DPYSL2: variants seen among roughly 807,000 people sequenced by gnomAD.
The protein encoded by DPYSL2 is dihydropyrimidinase like 2, also known as dihydropyrimidinase-related protein 2.
In DPYSL2, 13 loss-of-function variants were observed where a neutral mutation model predicts 69.9. The observed-to-expected ratio is 0.19, with a 90% CI of 0.12 to 0.30. The LOEUF is 0.30. Ranked by LOEUF, DPYSL2 falls within the 10% of genes least tolerant of loss-of-function variation. The pLI, the probability that DPYSL2 is intolerant of heterozygous loss-of-function variation, is 1.00. For missense variants in DPYSL2, 587 were observed against 918.9 expected (o/e 0.64, Z 4.67); for synonymous variants, 326 against 359.1 (o/e 0.91, Z 1.04).
At chr8:26,646,789 G>A (rs1803173700) in intron 10 of DPYSL2, among the ~76,000 whole-genome samples, 1 of 151,854 alleles carries the variant, frequency 6.6e-6, no homozygotes, top group Non-Finnish European at 1.5e-5. Context: ...CCAGGACTTC[G>A]AGCCCAGCTG....
At chr8:26,576,062 A>G (rs1801322426) in intron 1 of DPYSL2, among the ~76,000 whole-genome samples, 2 of 152,174 alleles carry the variant, frequency 1.3e-5, no homozygotes, top group South Asian at 4.1e-4. Flanking sequence ...AGATTGCTGG[A>G]GGGGGAAGTG....
At chr8:26,645,425 T>C (rs1450440276) in intron 10 of DPYSL2, among the ~76,000 whole-genome samples, 1 of 151,988 alleles carries the variant, frequency 6.6e-6, no homozygotes, top group East Asian at 1.9e-4. Flanking sequence ...ATAATAATAT[T>C]GGCATCATAC....
In DPYSL2 at chr8:26,653,773, A is replaced by G. The variant is rs75668617; in HGVS notation, c.1942+376A>G. 0.088 allele frequency among the ~76,000 whole-genome samples: 13,412 copies of G among 152,078 alleles called. 1,863 individuals carry two copies. The highest frequency in any genetic ancestry group is 0.29 in the African/African-American group (12,160 of 41,442). On this transcript the variant is annotated intron_variant, in intron 13 of 13. Transcript: ENST00000521913. This position sits in a 1 kb window ranked among gnomAD's most constrained non-coding sequence, Gnocchi z 5.7. ...GAGTATCACCATGTTGGCCAGGCTGATAGAACTCCTGACTTCAGGTGATCT... is the reference window on the plus strand; with the variant it reads ...GAGTATCACCATGTTGGCCAGGCTGGTAGAACTCCTGACTTCAGGTGATCT...
At chr8:26,549,717 C>A (rs1184080054) in intron 1 of DPYSL2, among the ~76,000 whole-genome samples, 1 of 152,172 alleles carries the variant, frequency 6.6e-6, no homozygotes, top group East Asian at 1.9e-4. Context: ...TAGTGTTATA[C>A]CGGATTTCTC....
intron 1 of DPYSL2, among the ~76,000 whole-genome samples, chr8:26,558,076 C>A (rs1004298302): frequency 1.3e-5 from 2 of 152,034 alleles, no homozygotes; most frequent in Non-Finnish European, 2.9e-5. Context: ...TATGATCCTG[C>A]AATCATACTC....
intron 10 of DPYSL2, among the ~76,000 whole-genome samples, chr8:26,645,994 T>G (rs1253253921): frequency 6.6e-6 from 1 of 152,112 alleles, no homozygotes; most frequent in East Asian, 1.9e-4. Context: ...GCCTCCTGAG[T>G]AGCTGGGATT....
Position 26,588,553 on chromosome 8 carries a change from C to G in DPYSL2, c.628+4570C>G, listed in dbSNP as rs138158225. On this transcript the variant is annotated intron_variant, in intron 3 of 13. Coordinates refer to ENST00000521913, the MANE Select transcript of DPYSL2 (RefSeq NM_001197293.3). This position sits in a 1 kb window ranked among gnomAD's most constrained non-coding sequence, Gnocchi z 5.4. ...GCTCTCTCTAGAGGAGGTGCACCCT[C>G]AGGCACAACATACCCAGCAGGCTTC... Among the ~76,000 whole-genome samples the G allele has an allele frequency of 0.018, 2,787 of 152,260 alleles. 86 individuals carry two copies. The highest frequency in any genetic ancestry group is 0.064 in the African/African-American group (2,673 of 41,534).
At chr8:26,545,766 C>CAA (rs71216758) in intron 1 of DPYSL2, among the ~76,000 whole-genome samples, 68 of 144,000 alleles carry the variant, frequency 4.7e-4, no homozygotes, top group Admixed American at 1.4e-3. Flanking sequence ...GACTCCATCT[C>CAA]AAAAAAAAAA....
intron 7 of DPYSL2, among the ~76,000 whole-genome samples, chr8:26,632,665 C>A (rs1802805726): frequency 6.6e-6 from 1 of 152,116 alleles, no homozygotes; most frequent in Non-Finnish European, 1.5e-5. Context: ...ATGGCGAAAC[C>A]CCGTGTTGGG....
chr8:26,655,588 C>G (rs372365005), intron 13 of DPYSL2, 27 bp from the exon 14 acceptor site: 70 of 1,578,852 alleles, frequency 4.4e-5, no homozygotes, highest in Non-Finnish European at 5.9e-5. Flanking sequence ...GCCCCTCACC[C>G]GCTCCTCTCT....
Position 26,650,629 on chromosome 8 carries a change from A to G in DPYSL2, c.1597-1628A>G, listed in dbSNP as rs1325161674. On this transcript the variant is annotated intron_variant, in intron 11 of 13. Coordinates refer to ENST00000521913, the MANE Select transcript of DPYSL2 (RefSeq NM_001197293.3). This position sits in a 1 kb window ranked among gnomAD's most constrained non-coding sequence, Gnocchi z 5.3. ...ATATTCCATTAGGTTATGTACCACG[A>G]TGAAAGAAAACATGCCCAAGACGAG... Among the ~76,000 whole-genome samples, 1 of 152,220 alleles carries G rather than the reference A, an allele frequency of 6.6e-6. No individual in the cohort carries two copies. Among genetic ancestry groups the G allele is most frequent in the Non-Finnish European group, 1.5e-5 (1 of 68,048 alleles).
intron 3 of DPYSL2, among the ~76,000 whole-genome samples, chr8:26,604,473 A>G (rs191044856): frequency 7.9e-4 from 121 of 152,286 alleles, no homozygotes; most frequent in Non-Finnish European, 1.3e-3. Flanking sequence ...CTGGGGAAAG[A>G]GGAGGTAAAG....
chr8:26,622,090 TTTCCTTCCTTCCTTCC>T (rs59707085), intron 3 of DPYSL2, among the ~76,000 whole-genome samples: 84 of 64,426 alleles, frequency 1.3e-3, no homozygotes, highest in Non-Finnish European at 2.1e-3. Context: ...TCTTTCTTTC[TTTCCTTCCTTCCTTCC>T]TTCCTTCCTT....
At chr8:26,577,155 C>A (rs557422662) in intron 1 of DPYSL2, 3 of 447,512 alleles carry the variant, frequency 6.7e-6, no homozygotes, top group Admixed American at 2.4e-5. Context: ...TTCCTCAGGG[C>A]TCTCATTTCC....
Position 26,643,895 on chromosome 8 carries a change from A to G in DPYSL2, c.1284-55A>G. 5.1e-6 allele frequency: 8 copies of G among 1,576,626 alleles called. No individual in the cohort carries two copies. Among genetic ancestry groups the G allele is most frequent in the Non-Finnish European group, 6.9e-6 (8 of 1,159,100 alleles). ...ATGAGACAGCCCACCAAATAGGTGT[A>G]GGCGCACAGCATCTTGACGAAGCTG... is the stretch of plus-strand genomic sequence containing the variant. On this transcript the variant is annotated intron_variant, in intron 9 of 13. Transcript: ENST00000521913. The surrounding 1 kb of genome is among the most constrained non-coding windows in gnomAD (Gnocchi z 6.5).
chr8:26,632,226 G>A (rs555028441), intron 7 of DPYSL2, among the ~76,000 whole-genome samples: 19 of 152,320 alleles, frequency 1.2e-4, no homozygotes, highest in African/African-American at 3.4e-4. Context: ...GAGGAGTGGC[G>A]ACTGAGCCTG....
chr8:26,571,474 T>C lies in DPYSL2; in HGVS notation c.355-10495T>C, dbSNP rs1801236810. ...AGGTGCCCTTTGTCCCCATCAGGGATAGAAAGACCCCAGGGAACATCTGTA... is the reference window on the plus strand; with the variant it reads ...AGGTGCCCTTTGTCCCCATCAGGGACAGAAAGACCCCAGGGAACATCTGTA... On this transcript the variant is annotated intron_variant, in intron 1 of 13. Coordinates refer to ENST00000521913, the MANE Select transcript of DPYSL2 (RefSeq NM_001197293.3). This position sits in a 1 kb window ranked among gnomAD's most constrained non-coding sequence, Gnocchi z 6.1. 6.6e-6 allele frequency among the ~76,000 whole-genome samples: 1 copy of C among 152,080 alleles called. No homozygotes were observed. Among genetic ancestry groups the C allele is most frequent in the Non-Finnish European group, 1.5e-5 (1 of 68,014 alleles).
In DPYSL2 at chr8:26,657,968, G is replaced by T. The variant is rs1015913227; in HGVS notation, c.*2262G>T. 6.6e-6 allele frequency: 1 copy of T among 152,560 alleles called. No homozygotes were observed. Among genetic ancestry groups the T allele is most frequent in the African/African-American group, 2.4e-5 (1 of 41,432 alleles). 9.5% of individuals were successfully genotyped at this position (152,560 alleles called of 1,614,324 possible). On this transcript the variant is annotated 3_prime_UTR_variant, in exon 14 of 14. Transcript: ENST00000521913. The stretch of plus-strand genomic sequence containing the variant: ...TTAAGAATAGATGGTTTTTAATCCT[G>T]GAAATTGTGATTGTGACCCATGAGT...
At position 26,580,557 on chromosome 8, in the gene DPYSL2, TAGAG is replaced by T. The variant is rs1801468873; in HGVS notation, c.355-1408_355-1405del. Among the ~76,000 whole-genome samples the T allele has an allele frequency of 6.6e-6, 1 of 152,244 alleles. No individual in the cohort carries two copies. Among genetic ancestry groups the T allele is most frequent in the South Asian group, 2.1e-4 (1 of 4,832 alleles). Reference sequence around the variant, plus strand: ...ATGATCTTATTGGTTTTCAGTATGTTAGAGAGACAATAAATACTTTCTGAACCAA... The same window carrying T: ...ATGATCTTATTGGTTTTCAGTATGTTAGACAATAAATACTTTCTGAACCAA... On this transcript the variant is annotated intron_variant, in intron 1 of 13. Coordinates refer to ENST00000521913, the MANE Select transcript of DPYSL2 (RefSeq NM_001197293.3). This position sits in a 1 kb window ranked among gnomAD's most constrained non-coding sequence, Gnocchi z 4.1.
Sources: allele counts gnomAD v4.1 joint callset (sites outside exome capture counted in the v4.1 genomes callset), GRCh38; gene constraint gnomAD v4.1.1; non-coding constraint Gnocchi (gnomAD v3.1); transcripts MANE v1.5; gene names NCBI Gene and HGNC (gene_info 2026-07-23, HGNC 2026-07-21).